Variants in CTNNA3 observed in about 807,000 individuals in gnomAD.
The protein encoded by CTNNA3 is catenin alpha 3, also known as catenin alpha-3.
A neutral mutation model predicts 95.7 loss-of-function variants in CTNNA3; 76 were observed. The ratio of observed to expected loss-of-function variants is 0.79; its 90% CI spans 0.66 to 0.96. CTNNA3 has a LOEUF of 0.96. Among genes scored for constraint, CTNNA3 ranks in the 40% least tolerant of loss-of-function variants. The pLI, the probability that CTNNA3 is intolerant of heterozygous loss-of-function variation, is 0.00. For synonymous variants in CTNNA3, 431 were observed against 374.4 expected, an observed-to-expected ratio of 1.15 and a Z score of -1.74; for missense variants, 1,191 against 1,089.8, an observed-to-expected ratio of 1.09 and a Z score of -1.31.
rs140558836 is a variant in CTNNA3, at chr10:67,097,928, C to G, written c.1047+82389G>C. The G allele has an allele frequency of 5.4e-6, 4 of 735,092 alleles. No homozygotes were observed. In the East Asian group the frequency reaches 1.1e-4, roughly 20 times the overall value. 45.5% of individuals were successfully genotyped at this position (735,092 alleles called of 1,614,324 possible). A position where few individuals can be genotyped will look rare whatever the true frequency, so the allele number is the denominator to read the frequency against. ...TCCCCTGTTCAAATAAACAAAAAAT[C>G]CAAGATTGATTCATGAAATAAAGAA... is the stretch of plus-strand genomic sequence containing the variant. On this transcript the variant is annotated intron_variant, in intron 7 of 17. Transcript: ENST00000433211.
intron 7 of CTNNA3, among the ~76,000 whole-genome samples, chr10:66,782,666 T>C (rs1318926550): frequency 1.3e-5 from 2 of 152,140 alleles, no homozygotes; most frequent in Non-Finnish European, 2.9e-5. Context: ...GAAACTCAAT[T>C]AATGGATGTG....
chr10:66,376,201 T>G (rs143249263), intron 12 of CTNNA3, among the ~76,000 whole-genome samples: 2 of 152,202 alleles, frequency 1.3e-5, no homozygotes, highest in African/African-American at 4.8e-5. Flanking sequence ...AAGTTGACAC[T>G]AAGAGTATAA....
intron 5 of CTNNA3, among the ~76,000 whole-genome samples, chr10:67,277,925 A>G (rs1324420896): frequency 2.0e-5 from 3 of 152,154 alleles, no homozygotes. Context: ...TGTTTGGCAT[A>G]TAATCAAGAA....
At chr10:67,529,218 T>C (rs1284714911) in intron 4 of CTNNA3, among the ~76,000 whole-genome samples, 1 of 151,982 alleles carries the variant, frequency 6.6e-6, no homozygotes, top group African/African-American at 2.4e-5. Context: ...TGGAAAAAAA[T>C]CTGGTGTTTG....
At chr10:66,048,572 A>C (rs1161816491) in intron 15 of CTNNA3, among the ~76,000 whole-genome samples, 1 of 152,154 alleles carries the variant, frequency 6.6e-6, no homozygotes, top group East Asian at 1.9e-4. Flanking sequence ...CATCCTGGCT[A>C]ACACGGCGAA....
intron 9 of CTNNA3, among the ~76,000 whole-genome samples, chr10:66,689,139 T>C (rs894168477): frequency 6.6e-6 from 1 of 151,712 alleles, no homozygotes; most frequent in South Asian, 2.1e-4. Flanking sequence ...AATCCATTAA[T>C]CATCCAAAAT....
chr10:66,911,150 C>T (rs981296848), intron 7 of CTNNA3, among the ~76,000 whole-genome samples: 5 of 152,132 alleles, frequency 3.3e-5, no homozygotes, highest in East Asian at 1.9e-4. Flanking sequence ...CAATTATGCA[C>T]GTTTCAGTTA....
rs112053269 is a variant in CTNNA3 at position 67,685,241 on chromosome 10, T to G, written c.-6+10759A>C. On this transcript the variant is annotated intron_variant, in intron 1 of 17. Coordinates refer to ENST00000433211, the MANE Select transcript of CTNNA3 (RefSeq NM_013266.4). ...GTTTGGGATTTTAATTATTCTTTGC[T>G]ATTAATAAACCCTCGTTCAGTCCAT... 8.6e-3 allele frequency among the ~76,000 whole-genome samples: 1,306 copies of G among 152,364 alleles called. 25 individuals carry two copies. Among genetic ancestry groups the G allele is most frequent in the African/African-American group, 0.029 (1,214 of 41,592 alleles).
chr10:66,743,984 A>AG (rs1554844558), intron 9 of CTNNA3, among the ~76,000 whole-genome samples: 73 of 146,692 alleles, frequency 5.0e-4, no homozygotes, highest in Non-Finnish European at 8.7e-4. Flanking sequence ...CAAAAAAAAA[A>AG]AAAAAAAAAA....
chr10:66,515,269 C>CTATCTATT (rs1840802347), intron 11 of CTNNA3, among the ~76,000 whole-genome samples: 1 of 120,886 alleles, frequency 8.3e-6, no homozygotes, highest in Non-Finnish European at 1.7e-5. Context: ...TTCCCTATAT[C>CTATCTATT]TATCTATCTA....
intron 11 of CTNNA3, among the ~76,000 whole-genome samples, chr10:66,385,242 A>C (rs182429693): frequency 9.5e-4 from 145 of 152,330 alleles, no homozygotes; most frequent in African/African-American, 3.1e-3. Context: ...AACGCAATAA[A>C]AATTGATAAA....
At chr10:67,297,584 CCCCACGA>C (rs1442209046) in intron 5 of CTNNA3, among the ~76,000 whole-genome samples, 1 of 152,116 alleles carries the variant, frequency 6.6e-6, no homozygotes, top group African/African-American at 2.4e-5. Flanking sequence ...ATAGGAAATT[CCCCACGA>C]AGCCATAGAT....
At chr10:66,544,952 T>G (rs1464089571) in intron 10 of CTNNA3, among the ~76,000 whole-genome samples, 3 of 152,098 alleles carry the variant, frequency 2.0e-5, no homozygotes, top group Non-Finnish European at 2.9e-5. Flanking sequence ...TATCTTCTAG[T>G]TAGAAATCAT....
intron 11 of CTNNA3, among the ~76,000 whole-genome samples, chr10:66,514,557 C>T (rs1911354): frequency 1 from 152,205 of 152,232 alleles, 76,089 homozygotes; most frequent in Non-Finnish European, 1. Flanking sequence ...TTCAGAAAAT[C>T]CAAAAACCAT....
At chr10:66,849,264 C>T (rs1369239025) in intron 7 of CTNNA3, among the ~76,000 whole-genome samples, 3 of 152,144 alleles carry the variant, frequency 2.0e-5, no homozygotes, top group Non-Finnish European at 4.4e-5. Flanking sequence ...GAGAAATAAT[C>T]AGGCTGACAA....
At chr10:67,553,433 A>C (rs1841105416) in intron 3 of CTNNA3, among the ~76,000 whole-genome samples, 1 of 152,148 alleles carries the variant, frequency 6.6e-6, no homozygotes, top group Non-Finnish European at 1.5e-5. Flanking sequence ...GTCACTATCG[A>C]AATCTAAACA....
intron 15 of CTNNA3, among the ~76,000 whole-genome samples, chr10:66,029,776 G>C (rs925440770): frequency 1.3e-5 from 2 of 152,048 alleles, no homozygotes; most frequent in African/African-American, 4.8e-5. Context: ...TACATAGAAG[G>C]TGCCCTGTAA....
chr10:67,426,009 C>T (rs1338741783), intron 5 of CTNNA3, among the ~76,000 whole-genome samples: 1 of 151,984 alleles, frequency 6.6e-6, no homozygotes, highest in African/African-American at 2.4e-5. Flanking sequence ...TATGGGGTGT[C>T]ACAGGTCCTA....
chr10:67,532,218 C>A (rs921112220), intron 4 of CTNNA3, among the ~76,000 whole-genome samples: 1 of 152,176 alleles, frequency 6.6e-6, no homozygotes, highest in African/African-American at 2.4e-5. Flanking sequence ...AGATCTTCCA[C>A]AAAATATACA....
Sources: allele counts gnomAD v4.1 joint callset (sites outside exome capture counted in the v4.1 genomes callset), GRCh38; gene constraint gnomAD v4.1.1; transcripts MANE v1.5; gene names NCBI Gene and HGNC (gene_info 2026-07-23, HGNC 2026-07-21).